The following U2AF1 variants were observed in gnomAD, a reference collection of about 807,000 sequenced individuals.
The protein encoded by U2AF1 is U2 small nuclear RNA auxiliary factor 1.
For synonymous variants in U2AF1, 8 were observed against 27.2 expected (o/e 0.29, Z 2.20); for missense variants, 4 against 75.9 (o/e 0.05, Z 3.52).
chr21:43,106,996 A>G (rs1286330350), intron 1 of U2AF1, among the ~76,000 whole-genome samples: 1 of 55,996 alleles, frequency 1.8e-5, no homozygotes, highest in Non-Finnish European at 3.5e-5. Context: ...TAAGTTAGAT[A>G]AGCGACTGAA....
intron 5 of U2AF1, 173 bp from the exon 6 acceptor site, chr21:43,094,961 C>T (rs1984237081): frequency 4.4e-6 from 1 of 225,592 alleles, no homozygotes; most frequent in East Asian, 3.9e-5. Context: ...TCAAGATAGT[C>T]CAAGATTTTG....
chr21:43,094,875 T>C, intron 5 of U2AF1, 87 bp from the exon 6 acceptor site: 2 of 885,478 alleles, frequency 2.3e-6, no homozygotes, highest in South Asian at 1.5e-5. Flanking sequence ...GAGAGAGATA[T>C]ACACACTCAG....
At chr21:43,095,290 A>G in intron 5 of U2AF1, 148 bp downstream of exon 5, 1 of 457,992 alleles carries the variant, frequency 2.2e-6, no homozygotes. Flanking sequence ...AGCATCCAGG[A>G]TCTCAAGGTG....
In U2AF1 at chr21:43,107,248, C is replaced by G. The variant is rs578180815; in HGVS notation, c.44+203G>C. Reference sequence around the variant, plus strand: ...AGAGACCCCATTCATTCTGCCCGCTCCAGTTTTCCGCCGCGCGGCCCACGA... The same window carrying G: ...AGAGACCCCATTCATTCTGCCCGCTGCAGTTTTCCGCCGCGCGGCCCACGA... On this transcript the variant is annotated intron_variant, in intron 1 of 7. Transcript: ENST00000291552. Among the ~76,000 whole-genome samples, 37 of 109,944 alleles carry G rather than the reference C, an allele frequency of 3.4e-4. 3 individuals are homozygous for G. In the East Asian group the frequency reaches 7.5e-3, roughly 22 times the overall value. 72.1% of individuals were successfully genotyped at this position (109,944 alleles called of 152,430 possible).
rs151018285 is a variant in U2AF1, at chr21:43,097,569, G to A, written c.200-1826C>T. The stretch of plus-strand genomic sequence containing the variant: ...GCCTTAGCCTGTGCACCCAACGTGG[G>A]CATCTGACTGCTGGCACACGGGTCT... On this transcript the variant is annotated intron_variant, in intron 3 of 7. Coordinates refer to ENST00000291552, the MANE Select transcript of U2AF1 (RefSeq NM_006758.3). 5.3e-4 allele frequency: 40 copies of A among 74,910 alleles called. 7 individuals carry two copies. Among genetic ancestry groups the A allele is most frequent in the African/African-American group, 2.6e-3 (40 of 15,506 alleles). The allele number at this position is 74,910 out of a possible 1,614,324, so 4.6% of individuals were successfully genotyped here. A position where few individuals can be genotyped will look rare whatever the true frequency, so the allele number is the denominator to read the frequency against.
chr21:43,106,980 G>A (rs558733226), intron 1 of U2AF1, among the ~76,000 whole-genome samples: 1 of 49,624 alleles, frequency 2.0e-5, no homozygotes, highest in Non-Finnish European at 3.9e-5. Context: ...CCAACGCTTA[G>A]GACCCTAAGT....
intron 1 of U2AF1, 127 bp downstream of exon 1, chr21:43,107,324 C>T: frequency 4.3e-6 from 1 of 231,428 alleles, no homozygotes; most frequent in Non-Finnish European, 7.9e-6. Context: ...ACCGCTCCTT[C>T]CCGCCGCGCG....
In U2AF1 at chr21:43,107,520, TCGACACTGCTGCCGACGCCGC is replaced by T. The variant is rs756324659; in HGVS notation, c.-47_-27del. 9.7e-5 allele frequency: 89 copies of T among 918,176 alleles called. 16 individuals carry two copies. In the East Asian group the frequency reaches 9.7e-4, roughly 10 times the overall value. The allele number at this position is 918,176 out of a possible 1,614,324, so 56.9% of individuals were successfully genotyped here. On this transcript the variant is annotated 5_prime_UTR_variant, in exon 1 of 8. Coordinates refer to ENST00000291552, the MANE Select transcript of U2AF1 (RefSeq NM_006758.3). ...TTCCCACCCGCCGCCGCCGCTGCCGTCGACACTGCTGCCGACGCCGCCGACCCTGCCGACGCCCTCGGGAGA... is the reference window on the plus strand; with the variant it reads ...TTCCCACCCGCCGCCGCCGCTGCCGTCGACCCTGCCGACGCCCTCGGGAGA...
rs777588662 is a variant in U2AF1, at chr21:43,107,290, G to A, written c.44+161C>T. On this transcript the variant is annotated intron_variant, in intron 1 of 7. Coordinates refer to ENST00000291552, the MANE Select transcript of U2AF1 (RefSeq NM_006758.3). ...GGCCCACGAGGCGGCGGCTCCGGAG[G>A]GCGCGCAAGGGGCCGGAAGGGCCAC... Among the ~76,000 whole-genome samples, 51 of 103,582 alleles carry A rather than the reference G, an allele frequency of 4.9e-4. 14 individuals carry two copies. The highest frequency in any genetic ancestry group is 8.3e-4 in the Non-Finnish European group (41 of 49,558). The allele number at this position is 103,582 out of a possible 152,430, so 68.0% of individuals were successfully genotyped here.
intron 5 of U2AF1, 84 bp from the exon 6 acceptor site, chr21:43,094,872 A>G: frequency 1.1e-6 from 1 of 906,126 alleles, no homozygotes; most frequent in Non-Finnish European, 1.6e-6. Context: ...TCAGAGAGAG[A>G]TATACACACT....
chr21:43,097,905 C>T (rs375480667), intron 3 of U2AF1: 4 of 111,818 alleles, frequency 3.6e-5, no homozygotes, highest in Non-Finnish European at 3.8e-5. Context: ...CTAACCTATC[C>T]GGGGCTGTTT....
chr21:43,098,817 TA>T (rs1160765468), intron 3 of U2AF1: 1 of 18,134 alleles, frequency 5.5e-5, no homozygotes, highest in African/African-American at 2.9e-4. Flanking sequence ...CTTATTTCCT[TA>T]AAAAACAAAA....
In U2AF1 at chr21:43,107,166, G is replaced by A. The variant is rs1024872308; in HGVS notation, c.44+285C>T. 1.9e-4 allele frequency among the ~76,000 whole-genome samples: 22 copies of A among 113,560 alleles called. 6 individuals carry two copies. Among genetic ancestry groups the A allele is most frequent in the African/African-American group, 6.9e-4 (19 of 27,658 alleles). The allele number at this position is 113,560 out of a possible 152,430, so 74.5% of individuals were successfully genotyped here. ...GGCGACTCGGAGGCCCGGACGTCGG[G>A]CGATCAGCCAGTCCGGACCCCAAGG... On this transcript the variant is annotated intron_variant, in intron 1 of 7. Transcript: ENST00000291552.
In U2AF1 at chr21:43,107,496, TC is replaced by T; in HGVS notation, c.-3del. On this transcript the variant is annotated 5_prime_UTR_variant, in exon 1 of 8. Transcript: ENST00000291552. ...GATGGAGGCCAGATACTCCGCCATT[TC>T]CCACCCGCCGCCGCCGCTGCCGTCG... 2 of 803,630 alleles carry T rather than the reference TC, an allele frequency of 2.5e-6. No individual in the cohort carries two copies. Among genetic ancestry groups the T allele is most frequent in the Non-Finnish European group, 3.5e-6 (2 of 567,662 alleles). 49.8% of individuals were successfully genotyped at this position (803,630 alleles called of 1,614,324 possible). A position where few individuals can be genotyped will look rare whatever the true frequency, so the allele number is the denominator to read the frequency against.
Position 43,094,393 on chromosome 21 carries a change from A to AT in U2AF1, c.575+77dup, listed in dbSNP as rs998221297. ...AAACAGAAACGACACCTATGCCAAA[A>AT]TTTTTTTTTTGGAAGGGGGAGGGTT... On this transcript the variant is annotated intron_variant, in intron 7 of 7. Transcript: ENST00000291552. The AT allele has an allele frequency of 1.9e-3, 1,214 of 628,558 alleles. 1 individual carries two copies. The highest frequency in any genetic ancestry group is 2.7e-3 in the South Asian group (140 of 52,646). The allele number at this position is 628,558 out of a possible 1,614,324, so 38.9% of individuals were successfully genotyped here. A position where few individuals can be genotyped will look rare whatever the true frequency, so the allele number is the denominator to read the frequency against.
In U2AF1 at chr21:43,095,407, G is replaced by A. The variant is rs143279565; in HGVS notation, c.348+31C>T. On this transcript the variant is annotated intron_variant, in intron 5 of 7. Transcript: ENST00000291552. Reference sequence around the variant, plus strand: ...TGGCCTTGGCCCTGGCACACTAAGCGGCCACGCCGCCGTCTCGCCCTGGCT... The same window carrying A: ...TGGCCTTGGCCCTGGCACACTAAGCAGCCACGCCGCCGTCTCGCCCTGGCT... 1.9e-4 allele frequency: 171 copies of A among 920,880 alleles called. 52 individuals are homozygous for A. In the African/African-American group the frequency reaches 2.7e-3, roughly 15 times the overall value. 57.0% of individuals were successfully genotyped at this position (920,880 alleles called of 1,614,324 possible). A position where few individuals can be genotyped will look rare whatever the true frequency, so the allele number is the denominator to read the frequency against.
In U2AF1 at chr21:43,095,363, C is replaced by T. The variant is rs1180442958; in HGVS notation, c.348+75G>A. Reference sequence around the variant, plus strand: ...CCCGGCACACTAAGCGGCTGCACCACTGTCTCGCTTTCGCCTGTTGGCCTT... The same window carrying T: ...CCCGGCACACTAAGCGGCTGCACCATTGTCTCGCTTTCGCCTGTTGGCCTT... On this transcript the variant is annotated intron_variant, in intron 5 of 7. Coordinates refer to ENST00000291552, the MANE Select transcript of U2AF1 (RefSeq NM_006758.3). 63 of 647,338 alleles carry T rather than the reference C, an allele frequency of 9.7e-5. 13 individuals carry two copies. In the South Asian group the frequency reaches 1.1e-3, roughly 11 times the overall value. The allele number at this position is 647,338 out of a possible 1,614,324, so 40.1% of individuals were successfully genotyped here. A position where few individuals can be genotyped will look rare whatever the true frequency, so the allele number is the denominator to read the frequency against.
In U2AF1 at chr21:43,095,376, G is replaced by A. The variant is rs149147886; in HGVS notation, c.348+62C>T. On this transcript the variant is annotated intron_variant, in intron 5 of 7. Transcript: ENST00000291552. ...GCGGCTGCACCACTGTCTCGCTTTCGCCTGTTGGCCTTGGCCCTGGCACAC... is the reference window on the plus strand; with the variant it reads ...GCGGCTGCACCACTGTCTCGCTTTCACCTGTTGGCCTTGGCCCTGGCACAC... The A allele has an allele frequency of 9.1e-6, 7 of 769,798 alleles. No individual in the cohort carries two copies. Among genetic ancestry groups the A allele is most frequent in the Admixed American group, 3.0e-5 (1 of 33,572 alleles). The allele number at this position is 769,798 out of a possible 1,614,324, so 47.7% of individuals were successfully genotyped here. A position where few individuals can be genotyped will look rare whatever the true frequency, so the allele number is the denominator to read the frequency against.
intron 3 of U2AF1, among the ~76,000 whole-genome samples, chr21:43,096,985 TAA>T (rs770504379): frequency 9.5e-6 from 1 of 105,474 alleles, no homozygotes; most frequent in Non-Finnish European, 2.0e-5. Context: ...CAAGTATTCT[TAA>T]GTTTTATATT....
Sources: allele counts gnomAD v4.1 joint callset (sites outside exome capture counted in the v4.1 genomes callset), GRCh38; gene constraint gnomAD v4.1.1; transcripts MANE v1.5; gene names NCBI Gene and HGNC (gene_info 2026-07-23, HGNC 2026-07-21).